LRRIQ3: variants seen among roughly 807,000 people sequenced by gnomAD.
LRRIQ3 encodes the protein leucine rich repeats and IQ motif containing 3.
LRRIQ3 carries 75 observed loss-of-function variants against 59.3 expected under a neutral mutation model. The observed-to-expected ratio is 1.26, with a 90% CI of 1.05 to 1.53. The LOEUF (loss-of-function observed/expected upper bound fraction) is 1.53. Ranked by LOEUF, LRRIQ3 falls within the 40% of genes most tolerant of loss-of-function variation. The pLI, the probability that LRRIQ3 is intolerant of heterozygous loss-of-function variation, is 0.00. For missense variants in LRRIQ3, 831 were observed against 710.0 expected, an observed-to-expected ratio of 1.17 and a Z score of -1.94; for synonymous variants, 250 against 231.3, an observed-to-expected ratio of 1.08 and a Z score of -0.73.
At chr1:74,082,215 A>C (rs1015949760) in intron 5 of LRRIQ3, 18 of 151,738 alleles carry the variant, frequency 1.2e-4, no homozygotes, top group African/African-American at 4.3e-4. Context: ...ACAAGAAAAA[A>C]AGGCATTGAA....
chr1:74,092,603 T>C (rs1646406717), intron 5 of LRRIQ3, among the ~76,000 whole-genome samples: 1 of 152,014 alleles, frequency 6.6e-6, no homozygotes, highest in East Asian at 1.9e-4. Flanking sequence ...ATTGAGTGTG[T>C]CTTAGATGTT....
intron 3 of LRRIQ3, among the ~76,000 whole-genome samples, chr1:74,166,642 T>C (rs1196235490): frequency 6.6e-6 from 1 of 151,862 alleles, no homozygotes; most frequent in East Asian, 1.9e-4. Context: ...ATTGATATGA[T>C]ATTTTCCCTC....
chr1:74,056,449 G>C (rs199898059), intron 6 of LRRIQ3, among the ~76,000 whole-genome samples: 2 of 151,886 alleles, frequency 1.3e-5, no homozygotes, highest in East Asian at 3.9e-4. Flanking sequence ...CAGATGACAT[G>C]ATCATACATA....
rs149526890 is a variant in LRRIQ3 at position 74,085,183 on chromosome 1, T to C, written c.868-10393A>G. The stretch of plus-strand genomic sequence containing the variant: ...TTCACAAAATATATGAAAATGATTA[T>C]GTGATTTATAAGTTGTAACTCAAAA... On this transcript the variant is annotated intron_variant, in intron 5 of 7. Transcript: ENST00000354431. 3.8e-3 allele frequency among the ~76,000 whole-genome samples: 577 copies of C among 151,986 alleles called. 7 individuals are homozygous for C. Among genetic ancestry groups the C allele is most frequent in the East Asian group, 5.0e-3 (26 of 5,190 alleles).
intron 4 of LRRIQ3, among the ~76,000 whole-genome samples, chr1:74,112,649 G>A (rs959649881): frequency 3.9e-5 from 6 of 152,128 alleles, no homozygotes; most frequent in Non-Finnish European, 8.8e-5. Context: ...AGGGAAATCA[G>A]AGAAGACAGT....
intron 4 of LRRIQ3, among the ~76,000 whole-genome samples, chr1:74,129,780 G>A (rs1646986042): frequency 6.6e-6 from 1 of 151,904 alleles, no homozygotes; most frequent in Non-Finnish European, 1.5e-5. Flanking sequence ...CAGTACCTAA[G>A]GGATCTTTAG....
Position 74,063,146 on chromosome 1 carries a change from AACAAC to A in LRRIQ3, c.997+11510_997+11514del, listed in dbSNP as rs1393332445. 4.0e-5 allele frequency among the ~76,000 whole-genome samples: 6 copies of A among 150,066 alleles called. 1 individual carries two copies. Among genetic ancestry groups the A allele is most frequent in the Non-Finnish European group, 8.9e-5 (6 of 67,328 alleles). The stretch of plus-strand genomic sequence containing the variant: ...AAACAACAACAACAACAACAACAAC[AACAAC>A]AAAACGAGGAAGGGTGTTTCCTAAT... On this transcript the variant is annotated intron_variant, in intron 6 of 7. Coordinates refer to ENST00000354431, the MANE Select transcript of LRRIQ3 (RefSeq NM_001105659.2).
intron 5 of LRRIQ3, among the ~76,000 whole-genome samples, chr1:74,092,155 A>C (rs573067734): frequency 3.8e-4 from 58 of 152,086 alleles, no homozygotes; most frequent in African/African-American, 1.4e-3. Flanking sequence ...GAGTAAGTGC[A>C]GTCATTTTGG....
At chr1:74,124,331 T>C (rs1319640450) in intron 4 of LRRIQ3, among the ~76,000 whole-genome samples, 1 of 151,880 alleles carries the variant, frequency 6.6e-6, no homozygotes, top group Non-Finnish European at 1.5e-5. Context: ...TTCATTTTAT[T>C]GTTTCCTTTG....
At chr1:74,082,071 A>G (rs1646278763) in intron 5 of LRRIQ3, 1 of 151,636 alleles carries the variant, frequency 6.6e-6, no homozygotes, top group Admixed American at 6.6e-5. Flanking sequence ...TTCAACAACT[A>G]TGTATTGAAT....
chr1:74,100,835 C>T (rs1171059228), intron 5 of LRRIQ3, among the ~76,000 whole-genome samples: 3 of 152,062 alleles, frequency 2.0e-5, no homozygotes, highest in African/African-American at 7.2e-5. Flanking sequence ...ATACATGATG[C>T]TGGGAAAACT....
At chr1:74,073,657 G>A (rs1488437633) in intron 6 of LRRIQ3, among the ~76,000 whole-genome samples, 3 of 151,594 alleles carry the variant, frequency 2.0e-5, no homozygotes, top group Non-Finnish European at 4.4e-5. Context: ...TGTGTAAAAT[G>A]GAGAACTGAT....
At chr1:74,141,065 GTGTT>G (rs1030111610) in intron 4 of LRRIQ3, among the ~76,000 whole-genome samples, 5 of 151,824 alleles carry the variant, frequency 3.3e-5, no homozygotes, top group South Asian at 4.1e-4. Context: ...ATAAAATACT[GTGTT>G]TGTTTGTCTG....
At chr1:74,135,782 T>C (rs971442717) in intron 4 of LRRIQ3, among the ~76,000 whole-genome samples, 1 of 151,640 alleles carries the variant, frequency 6.6e-6, no homozygotes, top group East Asian at 1.9e-4. Context: ...TATCAGAAAA[T>C]AAGAAATGTC....
chr1:74,146,197 A>ACATGTTTCTCAGAATGCATCCTTGT (rs1647558736), intron 4 of LRRIQ3, among the ~76,000 whole-genome samples: 1 of 152,070 alleles, frequency 6.6e-6, no homozygotes, highest in Non-Finnish European at 1.5e-5. Flanking sequence ...TCACCTAACA[A>ACATGTTTCTCAGAATGCATCCTTGT]CATGTTTCTC....
intron 3 of LRRIQ3, chr1:74,180,276 C>G (rs1265380429): frequency 6.5e-6 from 1 of 153,260 alleles, no homozygotes; most frequent in Non-Finnish European, 1.4e-5. Context: ...ACACTGCTTT[C>G]TACCCACAAA....
At chr1:74,171,565 T>C (rs1268653083) in intron 3 of LRRIQ3, among the ~76,000 whole-genome samples, 1 of 152,188 alleles carries the variant, frequency 6.6e-6, no homozygotes. Flanking sequence ...TTGGTGAAAA[T>C]TGCTGTATCC....
At chr1:74,139,105 T>TAG (rs1553169942) in intron 4 of LRRIQ3, among the ~76,000 whole-genome samples, 1 of 134,850 alleles carries the variant, frequency 7.4e-6, no homozygotes, top group Non-Finnish European at 1.6e-5. Flanking sequence ...TATATATATA[T>TAG]ACATATATGT....
intron 3 of LRRIQ3, chr1:74,181,084 G>T: frequency 2.8e-6 from 1 of 355,992 alleles, no homozygotes; most frequent in Non-Finnish European, 5.2e-6. Context: ...TCATATATTA[G>T]GTACTCAGTA....
Sources: allele counts gnomAD v4.1 joint callset (sites outside exome capture counted in the v4.1 genomes callset), GRCh38; gene constraint gnomAD v4.1.1; transcripts MANE v1.5; gene names NCBI Gene and HGNC (gene_info 2026-07-23, HGNC 2026-07-21).